The following CHD5 variants were observed in gnomAD, a reference collection of about 807,000 sequenced individuals.
CHD5 encodes the protein chromodomain helicase DNA binding protein 5, also known as ATP-dependent chromatin remodeler CHD5.
A neutral mutation model predicts 230.3 loss-of-function variants in CHD5; 69 were observed. That is an observed-to-expected ratio of 0.30 (90% CI 0.25 to 0.37). The LOEUF (loss-of-function observed/expected upper bound fraction) is 0.37, where lower values mean the gene tolerates loss of function less well. CHD5 is among the 10% of genes least tolerant of loss of function. CHD5 has a pLI of 1.00. For synonymous variants in CHD5, 1,064 were observed against 1,065.9 expected, an observed-to-expected ratio of 1.00 and a Z score of 0.03; for missense variants, 1,827 against 2,622.8, an observed-to-expected ratio of 0.70 and a Z score of 6.63.
At chr1:6,108,551 G>A (rs1003039963) in intron 38 of CHD5, among the ~76,000 whole-genome samples, 1 of 149,958 alleles carries the variant, frequency 6.7e-6, no homozygotes, top group Non-Finnish European at 1.5e-5. Context: ...AAGGATGAAG[G>A]GATGGAGGTA....
rs755915726 is a variant in CHD5 at position 6,152,554 on chromosome 1, T to C, written c.746-18A>G. The C allele has an allele frequency of 3.7e-6, 6 of 1,613,520 alleles. No individual in the cohort carries two copies. Among genetic ancestry groups the C allele is most frequent in the African/African-American group, 1.3e-5 (1 of 74,910 alleles). On this transcript the variant is annotated intron_variant, in intron 5 of 41. Transcript: ENST00000262450. The stretch of plus-strand genomic sequence containing the variant: ...TCCAGGCCCTGAAAAACAGCAGTGA[T>C]GATAGCCAACCACTGCCACCACTGA...
At position 6,131,388 on chromosome 1, in the gene CHD5, C is replaced by T. The variant is rs562359246; in HGVS notation, c.3262+243G>A. Among the ~76,000 whole-genome samples, 8 of 152,326 alleles carry T rather than the reference C, an allele frequency of 5.3e-5. No homozygotes were observed. The South Asian group carries it at 1.7e-3, about 32-fold the overall frequency. ...GCTCACCTGGCGTCAATATTAGAGG[C>T]CCCGTCTGCGTTTCTCATTGTCTAA... On this transcript the variant is annotated intron_variant, in intron 21 of 41. Transcript: ENST00000262450. This position sits in a 1 kb window ranked among gnomAD's most constrained non-coding sequence, Gnocchi z 5.0.
intron 25 of CHD5, chr1:6,127,013 A>G: frequency 3.9e-6 from 2 of 513,506 alleles, no homozygotes; most frequent in Admixed American, 6.9e-5. Context: ...TGAGGTACTG[A>G]GTTGAATAAG....
In CHD5 at chr1:6,131,934, C is replaced by T. The variant is rs1202843843; in HGVS notation, c.3145-186G>A. ...AAGCTTCCAACCTCACCCCTTGGAG[C>T]CAATCCATCCTCCTGCCTAGCCCCA... On this transcript the variant is annotated intron_variant, in intron 20 of 41. Transcript: ENST00000262450. This position sits in a 1 kb window ranked among gnomAD's most constrained non-coding sequence, Gnocchi z 5.0. Among the ~76,000 whole-genome samples, 1 of 152,182 alleles carries T rather than the reference C, an allele frequency of 6.6e-6. No homozygotes were observed. The highest frequency in any genetic ancestry group is 1.5e-5 in the Non-Finnish European group (1 of 68,022).
chr1:6,178,249 C>G (rs1667455252), intron 1 of CHD5, among the ~76,000 whole-genome samples: 1 of 152,064 alleles, frequency 6.6e-6, no homozygotes, highest in South Asian at 2.1e-4. Context: ...CTGGCCCAAG[C>G]AGTGAGTCGG....
At position 6,111,821 on chromosome 1, in the gene CHD5, T is replaced by C. The variant is rs763524984; in HGVS notation, c.5203A>G (p.Ile1735Val). 11 of 1,613,398 alleles carry C rather than the reference T, an allele frequency of 6.8e-6. No homozygotes were observed. The highest frequency in any genetic ancestry group is 3.3e-4 in the Middle Eastern group (2 of 6,084). The change falls in exon 36 of 42, where the codon ATC becomes GTC. Residue 1735 changes from isoleucine (I) to valine (V), a missense_variant. This residue lies in a region of CHD5 where 272 missense variants were observed against 263.2 expected (regional missense o/e 1.03). Coordinates refer to ENST00000262450, the MANE Select transcript of CHD5 (RefSeq NM_015557.3). ...CAGTAGTCATGGCGCCGGTGCCAGA[T>C]GTCGTAGATTTTCCCAGAGGATACA... ...AAVSSGKIYD[I>V]WHRRHDYWLL...
chr1:6,179,383 AGAGCGGAGTCCTCCTGGGCCGG>A (rs1008517848), intron 1 of CHD5, among the ~76,000 whole-genome samples: 37 of 152,128 alleles, frequency 2.4e-4, no homozygotes, highest in Admixed American at 2.2e-3. Context: ...CGTGCGTCCC[AGAGCGGAGTCCTCCTGGGCCGG>A]GAGGGAAGCC....
At position 6,159,361 on chromosome 1, in the gene CHD5, T is replaced by C. The variant is rs1430060502; in HGVS notation, c.362A>G (p.Asp121Gly). The C allele has an allele frequency of 5.8e-6, 9 of 1,551,434 alleles. No homozygotes were observed. The highest frequency in any genetic ancestry group is 2.0e-5 in the Admixed American group (1 of 51,008). ...AKRKKKDEDE[D>G]DNDDGCLKEP... ...CTTTAAGCATCCATCATCATTATCA[T>C]CCTCATCCTCATCCTTCTTTTTTCG... The change falls in exon 3 of 42, where the codon GAT becomes GGT. Residue 121 changes from aspartate to glycine, a missense_variant. Coordinates refer to ENST00000262450, the MANE Select transcript of CHD5 (RefSeq NM_015557.3).
chr1:6,135,631 C>T (rs1362084707), intron 17 of CHD5, among the ~76,000 whole-genome samples: 7 of 152,192 alleles, frequency 4.6e-5, no homozygotes, highest in Admixed American at 4.6e-4. Context: ...CCGTCCTGGA[C>T]AGGAGCTCTC....
intron 3 of CHD5, among the ~76,000 whole-genome samples, chr1:6,156,492 C>T (rs533143809): frequency 4.8e-5 from 7 of 146,666 alleles, no homozygotes; most frequent in South Asian, 2.2e-4. Context: ...GCCGAGATGG[C>T]GCCACTGCAC....
chr1:6,170,003 C>T (rs1048731463), intron 1 of CHD5, among the ~76,000 whole-genome samples: 3 of 152,108 alleles, frequency 2.0e-5, no homozygotes, highest in Non-Finnish European at 2.9e-5. Context: ...GTCCTGGGGC[C>T]ACCAGGAGGC....
intron 37 of CHD5, 73 bp from the exon 38 acceptor site, chr1:6,110,063 C>G: frequency 1.5e-6 from 2 of 1,328,544 alleles, no homozygotes; most frequent in Non-Finnish European, 2.0e-6. Flanking sequence ...CCAGCGCCCA[C>G]CCCAGGCCAA....
In CHD5 at chr1:6,124,039, C is replaced by A; in HGVS notation, c.4608G>T (p.Gly1536=). Residue 1536 remains glycine, a synonymous_variant, in exon 31 of 42, where the codon GGG becomes GGT. Transcript: ENST00000262450. Reference sequence around the variant, plus strand: ...AGGAGATCACCTCGCCCGACTTCTTCCCCTCGGGCCCCTCAGGGATCAAGT... The same window carrying A: ...AGGAGATCACCTCGCCCGACTTCTTACCCTCGGGCCCCTCAGGGATCAAGT... ...TPDLIPEGPE[G]KKSGEVISSD... 6.2e-7 allele frequency: 1 copy of A among 1,613,164 alleles called. No homozygotes were observed. The highest frequency in any genetic ancestry group is 8.5e-7 in the Non-Finnish European group (1 of 1,179,658).
intron 20 of CHD5, among the ~76,000 whole-genome samples, chr1:6,133,455 C>T (rs1184896371): frequency 1.3e-5 from 2 of 152,240 alleles, no homozygotes; most frequent in Non-Finnish European, 2.9e-5. Context: ...ATAGCCCAGA[C>T]TCTGGGTTTG....
At chr1:6,106,373 C>T (rs758893448) in intron 40 of CHD5, 22 bp downstream of exon 40, 126 of 1,608,908 alleles carry the variant, frequency 7.8e-5, no homozygotes, top group Admixed American at 1.7e-4. Flanking sequence ...GTGCATGCTG[C>T]CCGGAGCGGA....
At chr1:6,175,649 T>C (rs1219033396) in intron 1 of CHD5, among the ~76,000 whole-genome samples, 1 of 151,602 alleles carries the variant, frequency 6.6e-6, no homozygotes, top group Admixed American at 6.6e-5. Context: ...AGATAGTGCA[T>C]GGATGAATAG....
chr1:6,112,284 G>A lies in CHD5; in HGVS notation c.5003-7C>T, dbSNP rs374733708. On this transcript the variant is annotated splice_polypyrimidine_tract_variant and splice_region_variant and intron_variant, in intron 34 of 41. Coordinates refer to ENST00000262450, the MANE Select transcript of CHD5 (RefSeq NM_015557.3). ...TCCTCAGCCTTGGTGTCATCTGCCG[G>A]GGACAGATCACATTCATTCATCCAT... 292 of 1,613,078 alleles carry A rather than the reference G, an allele frequency of 1.8e-4. No homozygotes were observed. The highest frequency in any genetic ancestry group is 4.9e-4 in the Middle Eastern group (3 of 6,082).
At position 6,124,695 on chromosome 1, in the gene CHD5, G is replaced by GT. The variant is rs1666526848; in HGVS notation, c.4395-35dup. 2.4e-6 allele frequency: 3 copies of GT among 1,254,340 alleles called. No homozygotes were observed. The East Asian group carries it at 7.7e-5, about 32-fold the overall frequency. 77.7% of individuals were successfully genotyped at this position (1,254,340 alleles called of 1,614,324 possible). On this transcript the variant is annotated intron_variant, in intron 29 of 41. Coordinates refer to ENST00000262450, the MANE Select transcript of CHD5 (RefSeq NM_015557.3). ...GGGGGGGGGGACTGGGGCTCAGGGA[G>GT]TGGGGGGCCGGCAAGAACCCTCTGA...
chr1:6,150,367 A>AGGAT (rs373764965), intron 7 of CHD5, among the ~76,000 whole-genome samples: 9,348 of 115,956 alleles, frequency 0.081, 349 homozygotes, highest in East Asian at 0.098. Context: ...GATGGACAAA[A>AGGAT]GGATGGATGG....
Sources: gnomAD v4.1 joint callset for allele counts (sites outside exome capture counted in the v4.1 genomes callset) on GRCh38, gnomAD v4.1.1 for gene constraint, gnomAD v4.1.1 regional missense constraint, Gnocchi (gnomAD v3.1) non-coding constraint, MANE v1.5 for transcripts, NCBI Gene and HGNC (gene_info 2026-07-23, HGNC 2026-07-21) for gene names.